Variants in ANO1 observed in about 807,000 individuals in gnomAD.
The protein encoded by ANO1 is anoctamin 1.
Under a neutral mutation model 124.0 loss-of-function variants are expected in ANO1, and 59 were observed. That is an observed-to-expected ratio of 0.48 (90% CI 0.39 to 0.59). ANO1 has a LOEUF of 0.59. Among genes scored for constraint, ANO1 ranks in the 20% least tolerant of loss-of-function variants. The pLI is 0.00. For missense variants in ANO1, 1,059 were observed against 1,328.0 expected, an observed-to-expected ratio of 0.80 and a Z score of 3.15; for synonymous variants, 529 against 532.0, an observed-to-expected ratio of 0.99 and a Z score of 0.08.
rs1358131841 is a variant in ANO1 at position 70,131,330 on chromosome 11, T to TGC, written c.1098-588_1098-587insCG. Among the ~76,000 whole-genome samples, 7 of 150,112 alleles carry TGC rather than the reference T, an allele frequency of 4.7e-5. No homozygotes were observed. The East Asian group carries it at 5.8e-4, about 12-fold the overall frequency. On this transcript the variant is annotated intron_variant, in intron 10 of 25. Transcript: ENST00000355303. ...GTGTGTGTGTGTGTGTGTGTGTGTG[T>TGC]GTGCGCGTCTGTGTTGAGATGGAGT...
At chr11:70,062,469 C>G (rs189698842) in intron 1 of ANO1, among the ~76,000 whole-genome samples, 41 of 152,282 alleles carry the variant, frequency 2.7e-4, no homozygotes, top group African/African-American at 9.6e-4. Flanking sequence ...GGATCCTGCA[C>G]CCCCCAGTAG....
chr11:70,045,052 G>C (rs138380587), intron 1 of ANO1, among the ~76,000 whole-genome samples: 1 of 152,250 alleles, frequency 6.6e-6, no homozygotes, highest in East Asian at 1.9e-4. Context: ...CAAATATAAA[G>C]ATAGAACTAG....
upstream of ANO1, among the ~76,000 whole-genome samples, chr11:69,982,997 G>A (rs2120258840): frequency 6.6e-6 from 1 of 152,286 alleles, no homozygotes; most frequent in South Asian, 2.1e-4. Flanking sequence ...GTCCAGAGAA[G>A]GTCAATGAGG....
chr11:70,138,092 C>T (rs1301041749), intron 11 of ANO1, among the ~76,000 whole-genome samples: 1 of 147,304 alleles, frequency 6.8e-6, no homozygotes, highest in East Asian at 2.0e-4. Flanking sequence ...CGCCTGTAAT[C>T]CCAGCACTTT....
Position 70,090,090 on chromosome 11 carries a change from C to T in ANO1, c.441+2006C>T, listed in dbSNP as rs193203529. 4.1e-4 allele frequency among the ~76,000 whole-genome samples: 62 copies of T among 152,330 alleles called. No homozygotes were observed. The East Asian group carries it at 7.3e-3, about 18-fold the overall frequency. On this transcript the variant is annotated intron_variant, in intron 2 of 25. Transcript: ENST00000355303. ...AGGCTGGAGTGCAGTGGCACAATCT[C>T]GGCTCACTGCAAGCTCCGCCTCCCG...
chr11:70,030,590 T>G (rs1464988618), intron 1 of ANO1, among the ~76,000 whole-genome samples: 3 of 152,198 alleles, frequency 2.0e-5, no homozygotes, highest in Non-Finnish European at 4.4e-5. Flanking sequence ...GGCTGGTGGC[T>G]GCATTACCCA....
rs191926051 is a variant in ANO1 at position 70,053,017 on chromosome 11, T to A, written c.59-25525T>A. Among the ~76,000 whole-genome samples the A allele has an allele frequency of 2.6e-5, 4 of 152,372 alleles. 1 individual carries two copies. Among genetic ancestry groups the A allele is most frequent in the East Asian group, 3.9e-4 (2 of 5,192 alleles). ...TTTGTTCTTATGCATTTAATTTTTT[T>A]AATGTTGTTTAAAAAGGCATGAGTT... On this transcript the variant is annotated intron_variant, in intron 1 of 27. Transcript: ENST00000531349.
chr11:70,075,831 G>A, upstream of ANO1, among the ~76,000 whole-genome samples: 1 of 152,218 alleles, frequency 6.6e-6, no homozygotes, highest in East Asian at 1.9e-4. Context: ...AACCAGAGAA[G>A]AGAACCATCT....
At chr11:70,174,566 C>A (rs143465135) in intron 22 of ANO1, among the ~76,000 whole-genome samples, 1 of 152,296 alleles carries the variant, frequency 6.6e-6, no homozygotes, top group Non-Finnish European at 1.5e-5. Flanking sequence ...CATCACAGAG[C>A]TGCCTCCAAC....
chr11:70,110,959 G>A (rs1246979893), intron 6 of ANO1, among the ~76,000 whole-genome samples: 1 of 152,242 alleles, frequency 6.6e-6, no homozygotes, highest in Non-Finnish European at 1.5e-5. Flanking sequence ...CCCAGTGCAG[G>A]CCCTGGGGGC....
At chr11:70,153,763 A>ATGTT (rs778777274) in intron 14 of ANO1, among the ~76,000 whole-genome samples, 7 of 151,434 alleles carry the variant, frequency 4.6e-5, no homozygotes, top group Non-Finnish European at 8.8e-5. Context: ...GTTTGTTTGT[A>ATGTT]TGTTTGTTTG....
intron 1 of ANO1, among the ~76,000 whole-genome samples, chr11:70,025,719 ATGGTGGTGG>A (rs1555003105): frequency 3.1e-5 from 4 of 128,594 alleles, no homozygotes; most frequent in Non-Finnish European, 6.7e-5. Flanking sequence ...GGTGATGATG[ATGGTGGTGG>A]TGATGGTGAT....
At chr11:69,973,732 C>T in the ANO1 span, among the ~76,000 whole-genome samples, 5 of 151,054 alleles carry the variant, frequency 3.3e-5, no homozygotes, top group Admixed American at 6.6e-5. Context: ...ATTAGCCGGG[C>T]GTGGTGGTGC....
chr11:70,109,000 T>A (rs1362946792), intron 6 of ANO1, among the ~76,000 whole-genome samples: 2 of 152,150 alleles, frequency 1.3e-5, no homozygotes, highest in African/African-American at 4.8e-5. Context: ...CCACAGTGGG[T>A]CCCTTGCCCA....
the ANO1 span, among the ~76,000 whole-genome samples, chr11:69,970,657 G>T: frequency 1.4e-4 from 22 of 152,294 alleles, no homozygotes; most frequent in Non-Finnish European, 3.1e-4. Context: ...GCAGGGAGTG[G>T]GGACCCAGGG....
intron 22 of ANO1, among the ~76,000 whole-genome samples, chr11:70,171,811 C>T (rs920530646): frequency 6.6e-6 from 1 of 152,088 alleles, no homozygotes; most frequent in Non-Finnish European, 1.5e-5. Flanking sequence ...TACAAAAAAA[C>T]ACAAAAATGA....
intron 24 of ANO1, among the ~76,000 whole-genome samples, chr11:70,183,312 C>G (rs558886976): frequency 6.6e-6 from 1 of 152,324 alleles, no homozygotes; most frequent in Non-Finnish European, 1.5e-5. Context: ...CCTAGCAGCT[C>G]CTGGCTTCAA....
intron 1 of ANO1, among the ~76,000 whole-genome samples, chr11:70,070,499 A>G (rs2135137063): frequency 6.6e-6 from 1 of 152,278 alleles, no homozygotes; most frequent in African/African-American, 2.4e-5. Flanking sequence ...CCTGACCAAC[A>G]TGGTGAAACC....
intron 1 of ANO1, among the ~76,000 whole-genome samples, chr11:70,032,860 G>C (rs1285541988): frequency 6.7e-6 from 1 of 150,304 alleles, no homozygotes; most frequent in Non-Finnish European, 1.5e-5. Context: ...AAAGTAGAAG[G>C]GTGGATGGAG....
Sources: allele counts gnomAD v4.1 joint callset (sites outside exome capture counted in the v4.1 genomes callset), GRCh38; gene constraint gnomAD v4.1.1; transcripts MANE v1.5; gene names NCBI Gene and HGNC (gene_info 2026-07-23, HGNC 2026-07-21).